Variants in C1orf21 observed in about 807,000 individuals in gnomAD.
C1orf21 encodes the protein chromosome 1 open reading frame 21, also known as uncharacterized protein C1orf21.
Under a neutral mutation model 18.7 loss-of-function variants are expected in C1orf21, and 3 were observed. That is an observed-to-expected ratio of 0.16 (90% CI 0.07 to 0.42). The LOEUF is 0.42. Ranked by LOEUF, C1orf21 falls within the 10% of genes least tolerant of loss-of-function variation. The pLI, the probability that C1orf21 is intolerant of heterozygous loss-of-function variation, is 0.99. For missense variants in C1orf21, 104 were observed against 143.6 expected (o/e 0.72, Z 1.41); for synonymous variants, 41 against 46.4 (o/e 0.88, Z 0.47).
At chr1:184,601,199 GA>G (rs1659580175) in intron 5 of C1orf21, among the ~76,000 whole-genome samples, 1 of 152,154 alleles carries the variant, frequency 6.6e-6, no homozygotes, top group African/African-American at 2.4e-5. Context: ...ATCTCTCCCA[GA>G]AGTGACTAGT....
chr1:184,559,163 T>C (rs1658917502), intron 3 of C1orf21, among the ~76,000 whole-genome samples: 1 of 152,144 alleles, frequency 6.6e-6, no homozygotes, highest in African/African-American at 2.4e-5. Context: ...TCAGGCCTGG[T>C]AGGAGGTGTT....
chr1:184,577,911 A>G (rs1659215545), intron 3 of C1orf21, among the ~76,000 whole-genome samples: 1 of 149,754 alleles, frequency 6.7e-6, no homozygotes, highest in African/African-American at 2.5e-5. Context: ...TTTATTCTGT[A>G]GTAGTCAGGT....
At chr1:184,475,779 G>C (rs1557981765) in intron 1 of C1orf21, among the ~76,000 whole-genome samples, 2 of 126,956 alleles carry the variant, frequency 1.6e-5, no homozygotes, top group African/African-American at 6.0e-5. Context: ...GTGTGTGTGT[G>C]TGTCCATCCA....
chr1:184,505,692 G>A (rs2101963072), intron 2 of C1orf21, among the ~76,000 whole-genome samples: 1 of 149,734 alleles, frequency 6.7e-6, no homozygotes, highest in South Asian at 2.1e-4. Flanking sequence ...GAACCCGGGA[G>A]GCGGAGGTTG....
intron 1 of C1orf21, among the ~76,000 whole-genome samples, chr1:184,459,725 A>G (rs572853074): frequency 3.0e-4 from 46 of 152,314 alleles, no homozygotes; most frequent in African/African-American, 1.1e-3. Flanking sequence ...AAGAAGACAC[A>G]TAAAAGCACA....
Position 184,621,394 on chromosome 1 carries a change from G to A in C1orf21, c.*1838G>A, listed in dbSNP as rs1659914158. The A allele has an allele frequency of 6.6e-6, 1 of 152,606 alleles. No homozygotes were observed. The highest frequency in any genetic ancestry group is 2.4e-5 in the African/African-American group (1 of 41,438). The allele number at this position is 152,606 out of a possible 1,614,324, so 9.5% of individuals were successfully genotyped here. ...TTTATCCTGCTTCTAGCAGAAAAAT[G>A]CAGGGAGAGTCAAGTAGTCTAGGGT... On this transcript the variant is annotated 3_prime_UTR_variant, in exon 6 of 6. Coordinates refer to ENST00000235307, the MANE Select transcript of C1orf21 (RefSeq NM_030806.4).
chr1:184,615,263 G>A (rs1016112797), intron 5 of C1orf21, among the ~76,000 whole-genome samples: 4 of 152,330 alleles, frequency 2.6e-5, no homozygotes, highest in African/African-American at 9.6e-5. Context: ...TCTACACAGA[G>A]TAGGGTGTGG....
At chr1:184,594,634 C>T (rs1052720186) in intron 4 of C1orf21, among the ~76,000 whole-genome samples, 3 of 152,170 alleles carry the variant, frequency 2.0e-5, no homozygotes, top group African/African-American at 7.2e-5. Flanking sequence ...TTCTTTCCTC[C>T]TGGTGTGGGG....
At chr1:184,435,540 C>T (rs1656844288) in intron 1 of C1orf21, among the ~76,000 whole-genome samples, 1 of 152,030 alleles carries the variant, frequency 6.6e-6, no homozygotes, top group African/African-American at 2.4e-5. Context: ...TTGGGGTTTC[C>T]CCATGTTGGT....
At chr1:184,445,065 A>G (rs1657008163) in intron 1 of C1orf21, among the ~76,000 whole-genome samples, 1 of 152,180 alleles carries the variant, frequency 6.6e-6, no homozygotes, top group South Asian at 2.1e-4. Context: ...GTGTAGACAG[A>G]CCTCTCAGTA....
At chr1:184,616,653 T>C (rs1190773217) in intron 5 of C1orf21, among the ~76,000 whole-genome samples, 2 of 152,128 alleles carry the variant, frequency 1.3e-5, no homozygotes, top group Admixed American at 6.5e-5. Context: ...CCACCTTTCA[T>C]GTATGCATGT....
intron 3 of C1orf21, among the ~76,000 whole-genome samples, chr1:184,576,711 A>AAGC (rs1442904546): frequency 2.0e-5 from 3 of 152,208 alleles, no homozygotes; most frequent in Non-Finnish European, 4.4e-5. Context: ...GCAGGCTTCT[A>AAGC]AGCAGCCTCC....
At chr1:184,477,330 GGCTTGTGTTTT>G in intron 1 of C1orf21, 45 bp from the exon 2 acceptor site, 1 of 581,952 alleles carries the variant, frequency 1.7e-6, no homozygotes, top group Non-Finnish European at 3.1e-6. Flanking sequence ...AACATAGTGA[GGCTTGTGTTTT>G]GCTGCAGTCA....
At chr1:184,443,007 G>A (rs571307123) in intron 1 of C1orf21, among the ~76,000 whole-genome samples, 11 of 152,212 alleles carry the variant, frequency 7.2e-5, no homozygotes, top group African/African-American at 2.4e-4. Context: ...TTTATATGAA[G>A]CATTATAGTT....
chr1:184,595,866 G>C (rs1179216860), intron 4 of C1orf21, among the ~76,000 whole-genome samples: 1 of 152,140 alleles, frequency 6.6e-6, no homozygotes, highest in East Asian at 1.9e-4. Context: ...ACTCTTCTTC[G>C]TGGGTTATGA....
intron 1 of C1orf21, among the ~76,000 whole-genome samples, chr1:184,472,373 C>G (rs781506993): frequency 5.3e-5 from 8 of 152,040 alleles, no homozygotes; most frequent in African/African-American, 1.2e-4. Flanking sequence ...GTCCTCCAAG[C>G]CTCATGTTCT....
intron 1 of C1orf21, among the ~76,000 whole-genome samples, chr1:184,422,806 T>G (rs1656566473): frequency 6.6e-6 from 1 of 152,246 alleles, no homozygotes; most frequent in Admixed American, 6.5e-5. Flanking sequence ...TTTCACATGT[T>G]AGACAGAAAG....
At chr1:184,495,959 G>C (rs1472657526) in intron 2 of C1orf21, among the ~76,000 whole-genome samples, 1 of 150,574 alleles carries the variant, frequency 6.6e-6, no homozygotes, top group Admixed American at 6.6e-5. Context: ...GAGTATGTAA[G>C]CTTTCTGTTA....
At chr1:184,505,513 A>C (rs1658047390) in intron 2 of C1orf21, among the ~76,000 whole-genome samples, 1 of 151,822 alleles carries the variant, frequency 6.6e-6, no homozygotes, top group Admixed American at 6.6e-5. Context: ...CTGTAATCTC[A>C]GTACTTTGGG....
Sources: allele counts gnomAD v4.1 joint callset (sites outside exome capture counted in the v4.1 genomes callset), GRCh38; gene constraint gnomAD v4.1.1; transcripts MANE v1.5; gene names NCBI Gene and HGNC (gene_info 2026-07-23, HGNC 2026-07-21).